The following XPA variants were observed in gnomAD, a reference collection of about 807,000 sequenced individuals.
The protein encoded by XPA is DNA repair protein complementing XP-A cells.
In XPA, 27 loss-of-function variants were observed where a neutral mutation model predicts 35.7. The ratio of observed to expected loss-of-function variants is 0.76; its 90% CI spans 0.56 to 1.04. The LOEUF (loss-of-function observed/expected upper bound fraction) is 1.04. Ranked by LOEUF, XPA falls within the 50% of genes least tolerant of loss-of-function variation. XPA has a pLI of 0.00. For missense variants in XPA, 354 were observed against 342.7 expected (o/e 1.03, Z -0.26); for synonymous variants, 133 against 118.4 (o/e 1.12, Z -0.80).
At chr9:97,674,578 C>G (rs1268050981), downstream of XPA, among the ~76,000 whole-genome samples, 2 of 152,076 alleles carry the variant, frequency 1.3e-5, no homozygotes, top group African/African-American at 4.8e-5. Context: ...TTTTGACAAG[C>G]TACAGGAAAA....
At chr9:97,660,837 A>G in the XPA span, 1 of 1,288,544 alleles carries the variant, frequency 7.8e-7, no homozygotes, top group Non-Finnish European at 1.1e-6. Flanking sequence ...AGAGCATCCT[A>G]TTTTGAAAGG....
intron 5 of XPA, among the ~76,000 whole-genome samples, chr9:97,682,739 G>GACAGTAGCTTATCTGGTGATTA (rs1828585096): frequency 1.3e-5 from 2 of 152,128 alleles, no homozygotes; most frequent in African/African-American, 4.8e-5. Context: ...GAGGACAATT[G>GACAGTAGCTTATCTGGTGATTA]ACAGTAGCTT....
Position 97,684,979 on chromosome 9 carries a change from A to C in XPA, c.617T>G (p.Val206Gly). ...CATTTTTTCTCGGTTTTCCTGTCGG[A>C]CTTCCTTTGCTTCTTCTAATGCTTC... ...SQEALEEAKE[V>G]RQENREKMKQ... is the part of the protein sequence containing the mutation. Residue 206 changes from valine to glycine, a missense_variant, in exon 5 of 6, where the codon GTC becomes GGC. Transcript: ENST00000375128. 1 of 1,613,448 alleles carries C rather than the reference A, an allele frequency of 6.2e-7. No homozygotes were observed. The highest frequency in any genetic ancestry group is 8.5e-7 in the Non-Finnish European group (1 of 1,179,774).
chr9:97,664,500 C>A, the XPA span: 1 of 1,151,398 alleles, frequency 8.7e-7, no homozygotes, highest in Non-Finnish European at 1.3e-6. Flanking sequence ...TATGTGTGGT[C>A]TCTTATACAT....
At chr9:97,658,807 T>G in the XPA span, 2 of 1,257,638 alleles carry the variant, frequency 1.6e-6, no homozygotes, top group Non-Finnish European at 2.3e-6. Flanking sequence ...CTGAAGTTAG[T>G]TGTTTAAAGT....
At chr9:97,659,791 T>C in the XPA span, among the ~76,000 whole-genome samples, 1 of 152,196 alleles carries the variant, frequency 6.6e-6, no homozygotes, top group Non-Finnish European at 1.5e-5. Context: ...AAGATTAAGC[T>C]TTCTTTTTGC....
chr9:97,676,814 T>C (rs1828381082), intron 5 of XPA, among the ~76,000 whole-genome samples: 1 of 152,220 alleles, frequency 6.6e-6, no homozygotes, highest in African/African-American at 2.4e-5. Context: ...ATTATTTTAG[T>C]GCATATACCT....
At chr9:97,674,124 C>T (rs1005938533), downstream of XPA, among the ~76,000 whole-genome samples, 1 of 151,838 alleles carries the variant, frequency 6.6e-6, no homozygotes, top group Non-Finnish European at 1.5e-5. Context: ...CCAGTTGGCC[C>T]AAGAGCTCCT....
At chr9:97,669,512 T>TG in the XPA span, 1 of 897,358 alleles carries the variant, frequency 1.1e-6, no homozygotes, top group Non-Finnish European at 1.8e-6. Context: ...GGCAATACTT[T>TG]GGGGTTTCTT....
chr9:97,692,804 A>G (rs1218457379), intron 2 of XPA, among the ~76,000 whole-genome samples: 1 of 152,214 alleles, frequency 6.6e-6, no homozygotes, highest in Non-Finnish European at 1.5e-5. Context: ...AATGGAAATA[A>G]AGTACACAAT....
chr9:97,697,041 C>T, intron 1 of XPA, 80 bp downstream of exon 1: 5 of 1,447,838 alleles, frequency 3.5e-6, no homozygotes, highest in Non-Finnish European at 4.5e-6. Flanking sequence ...CCCCGGGCCC[C>T]GGGACTCGGC....
chr9:97,655,342 G>A, the XPA span, among the ~76,000 whole-genome samples: 1 of 152,052 alleles, frequency 6.6e-6, no homozygotes, highest in African/African-American at 2.4e-5. Context: ...TCCATCCCGA[G>A]TAGCTGGGAT....
the XPA span, chr9:97,664,314 T>A: frequency 1.4e-6 from 2 of 1,425,048 alleles, no homozygotes; most frequent in Non-Finnish European, 2.0e-6. Flanking sequence ...TGTGTGTGAT[T>A]TACTTGAATA....
chr9:97,697,284 C>A lies in XPA; in HGVS notation c.9G>T (p.Ala3=), dbSNP rs752858206. Residue 3 remains alanine, a synonymous_variant, in exon 1 of 6, where the codon GCG becomes GCT. Transcript: ENST00000375128. MA[A]ADGALPEAAA... ...CCGCCTCCGGCAAAGCCCCGTCGGC[C>A]GCCGCCATCTCTGGCCCACTCCGAG... 1.2e-5 allele frequency: 19 copies of A among 1,598,360 alleles called. No homozygotes were observed. Among genetic ancestry groups the A allele is most frequent in the Non-Finnish European group, 1.6e-5 (19 of 1,179,220 alleles).
At chr9:97,669,965 C>G (rs1266417640), downstream of XPA, 3 of 503,670 alleles carry the variant, frequency 6.0e-6, no homozygotes, top group Admixed American at 5.6e-5. Flanking sequence ...CTCTGTTGCC[C>G]AGGCTGGAGT....
At chr9:97,662,897 A>T in the XPA span, 1 of 1,305,654 alleles carries the variant, frequency 7.7e-7, no homozygotes, top group African/African-American at 1.5e-5. Context: ...CTTTGAAAAC[A>T]CTAAAATGTT....
chr9:97,679,346 G>C (rs912149433), intron 5 of XPA, among the ~76,000 whole-genome samples: 1 of 152,156 alleles, frequency 6.6e-6, no homozygotes, highest in Non-Finnish European at 1.5e-5. Flanking sequence ...AAGGATATAT[G>C]AGTGGCCCTT....
the XPA span, chr9:97,667,022 T>C: frequency 6.8e-4 from 404 of 593,112 alleles, 6 homozygotes; most frequent in South Asian, 8.8e-3. Flanking sequence ...CCCAATTTAA[T>C]GCAGAAGCAG....
chr9:97,689,752 A>C (rs1181344049), intron 2 of XPA, 113 bp from the exon 3 acceptor site: 2 of 624,872 alleles, frequency 3.2e-6, no homozygotes, highest in Admixed American at 6.3e-5. Context: ...AATACATTTA[A>C]GTAAAAGACA....
Sources: allele counts gnomAD v4.1 joint callset (sites outside exome capture counted in the v4.1 genomes callset), GRCh38; gene constraint gnomAD v4.1.1; transcripts MANE v1.5; gene names NCBI Gene and HGNC (gene_info 2026-07-23, HGNC 2026-07-21).